GOT1L1: variants seen among roughly 807,000 people sequenced by gnomAD.
GOT1L1 encodes glutamic-oxaloacetic transaminase 1 like 1.
Under a neutral mutation model 43.6 loss-of-function variants are expected in GOT1L1, and 38 were observed. That is an observed-to-expected ratio of 0.87 (90% CI 0.67 to 1.14). GOT1L1 has a LOEUF of 1.14. GOT1L1 is among the 50% of genes most tolerant of loss of function. The pLI is 0.00. For missense variants in GOT1L1, 482 were observed against 504.0 expected, an observed-to-expected ratio of 0.96 and a Z score of 0.42; for synonymous variants, 183 against 187.2, an observed-to-expected ratio of 0.98 and a Z score of 0.18.
At position 37,937,109 on chromosome 8, in the gene GOT1L1, C is replaced by T. The variant is rs1025908308; in HGVS notation, c.520-52G>A. 7.7e-6 allele frequency: 12 copies of T among 1,549,948 alleles called. No homozygotes were observed. The African/African-American group carries it at 1.1e-4, about 14-fold the overall frequency. ...CTTCACCCCCACCCAGGAGTGGCGG[C>T]CCCAGGGCATTTGGGGGTGAAGTGC... On this transcript the variant is annotated intron_variant, in intron 4 of 8. Transcript: ENST00000307599.
chr8:37,935,901 GC>G, intron 6 of GOT1L1, 32 bp from the exon 7 acceptor site: 2 of 1,598,804 alleles, frequency 1.3e-6, no homozygotes, highest in South Asian at 2.3e-5. Context: ...CTCAGCCTCA[GC>G]CCCTTCCTCC....
In GOT1L1 at chr8:37,938,490, A is replaced by C. The variant is rs186661901; in HGVS notation, c.297+210T>G. Among the ~76,000 whole-genome samples the C allele has an allele frequency of 8.0e-4, 122 of 152,348 alleles. 1 individual carries two copies. Among genetic ancestry groups the C allele is most frequent in the Non-Finnish European group, 1.3e-3 (88 of 68,024 alleles). ...TCATTCCTGTCTTGAAAGAGCTTTCAAATCAGCAGTGTGAGCAGGTGGGAA... is the reference window on the plus strand; with the variant it reads ...TCATTCCTGTCTTGAAAGAGCTTTCCAATCAGCAGTGTGAGCAGGTGGGAA... On this transcript the variant is annotated intron_variant, in intron 2 of 8. Transcript: ENST00000307599.
In GOT1L1 at chr8:37,939,992, G is replaced by A; in HGVS notation, c.38C>T (p.Ala13Val). 1 of 1,613,464 alleles carries A rather than the reference G, an allele frequency of 6.2e-7. No homozygotes were observed. Among genetic ancestry groups the A allele is most frequent in the Non-Finnish European group, 8.5e-7 (1 of 1,179,506 alleles). Residue 13 changes from alanine (A) to valine (V), a missense_variant, in exon 1 of 9, where the codon GCC (alanine) becomes GTC (valine). Coordinates refer to ENST00000307599, the MANE Select transcript of GOT1L1 (RefSeq NM_152413.3). ...TAACAAGCTGCCCTCTAGCTTGTGG[G>A]CGAGGGGCACATCCATGAACACTGA... ...TLSVFMDVPL[A>V]HKLEGSLLKT... is the part of the protein sequence containing the mutation.
At chr8:37,938,569 C>T in intron 2 of GOT1L1, 131 bp downstream of exon 2, 1 of 761,320 alleles carries the variant, frequency 1.3e-6, no homozygotes. Context: ...CTTGTGGACT[C>T]TCTGAGCCTC....
At position 37,934,313 on chromosome 8, in the gene GOT1L1, G is replaced by A. The variant is rs1304660280; in HGVS notation, c.1246C>T (p.Leu416=). The A allele has an allele frequency of 6.2e-7, 1 of 1,611,284 alleles. No individual in the cohort carries two copies. The highest frequency in any genetic ancestry group is 8.5e-7 in the Non-Finnish European group (1 of 1,178,482). ...EMCLPKEKKT[L]IGIKL is the part of the protein sequence containing the mutation. The stretch of plus-strand genomic sequence containing the variant: ...AAAGACTAAAGTTTTATTCCAATCA[G>A]TGTTTTTTTTTCCTTTGGAAGACAC... The change falls in exon 9 of 9, where the codon CTG becomes TTG. Residue 416 remains leucine, a synonymous_variant. Transcript: ENST00000307599.
In GOT1L1 at chr8:37,934,432, C is replaced by T. The variant is rs1280753002; in HGVS notation, c.1127G>A (p.Gly376Asp). The change falls in exon 9 of 9, where the codon GGT becomes GAT. Residue 376 changes from glycine to aspartate, a missense_variant. Physicochemically the swap from Gly to Asp is moderately conservative, Grantham distance 94. Coordinates refer to ENST00000307599, the MANE Select transcript of GOT1L1 (RefSeq NM_152413.3). ...RKKHIYIPKNGQINFSCINAN... is the reference protein window; with the variant it reads ...RKKHIYIPKNDQINFSCINAN... ...ATTGATACAGCTGAAGTTAATCTGA[C>T]CGTTCTTGGGGATATAGATGTGCTT... is the stretch of plus-strand genomic sequence containing the variant. 1.2e-6 allele frequency: 2 copies of T among 1,613,772 alleles called. No individual in the cohort carries two copies. The highest frequency in any genetic ancestry group is 8.5e-7 in the Non-Finnish European group (1 of 1,179,848).
chr8:37,939,429 AAAATAT>A (rs1408765435), intron 1 of GOT1L1, among the ~76,000 whole-genome samples: 6 of 52,756 alleles, frequency 1.1e-4, no homozygotes, highest in African/African-American at 2.2e-4. Flanking sequence ...AAAAAAAAAA[AAAATAT>A]ATATATATAT....
intron 2 of GOT1L1, 57 bp from the exon 3 acceptor site, chr8:37,937,806 C>T: frequency 8.0e-7 from 1 of 1,251,486 alleles, no homozygotes. Flanking sequence ...ACCTGTAATT[C>T]CAGCACTTTG....
rs201171155 is a variant in GOT1L1 at position 37,938,822 on chromosome 8, G to T, written c.175C>A (p.Gln59Lys). The T allele has an allele frequency of 6.2e-7, 1 of 1,613,862 alleles. No individual in the cohort carries two copies. The highest frequency in any genetic ancestry group is 8.5e-7 in the Non-Finnish European group (1 of 1,179,830). The part of the protein sequence containing the change: ...VSLVVQKTRL[Q>K]ISQDPSLNYE... Reference sequence around the variant, plus strand: ...TTCAGGGAGGGATCCTGTGAAATCTGTAGTCGAGTCTTCTGCACCACGAGA... The same window carrying T: ...TTCAGGGAGGGATCCTGTGAAATCTTTAGTCGAGTCTTCTGCACCACGAGA... Residue 59 changes from glutamine (Q) to lysine (K), a missense_variant, in exon 2 of 9, where the codon CAG becomes AAG. By Grantham distance (53) the Gln-to-Lys change is moderately conservative (BLOSUM62 1). Coordinates refer to ENST00000307599, the MANE Select transcript of GOT1L1 (RefSeq NM_152413.3).
rs1041908233 is a variant in GOT1L1, at chr8:37,938,621, C to G, written c.297+79G>C. On this transcript the variant is annotated intron_variant, in intron 2 of 8. Coordinates refer to ENST00000307599, the MANE Select transcript of GOT1L1 (RefSeq NM_152413.3). ...AATACCAGGGGGCCCTCCGAGGTCC[C>G]CTTCGGGTTTAAGGTTGTGCAGACC... 4.2e-5 allele frequency: 56 copies of G among 1,344,308 alleles called. No individual in the cohort carries two copies. The African/African-American group carries it at 7.1e-4, about 17-fold the overall frequency. The allele number at this position is 1,344,308 out of a possible 1,614,324, so 83.3% of individuals were successfully genotyped here. A position where few individuals can be genotyped will look rare whatever the true frequency, so the allele number is the denominator to read the frequency against.
chr8:37,937,926 C>G (rs780957987), intron 2 of GOT1L1, among the ~76,000 whole-genome samples, 177 bp from the exon 3 acceptor site: 1 of 151,930 alleles, frequency 6.6e-6, no homozygotes, highest in African/African-American at 2.4e-5. Flanking sequence ...GTGTAATCCC[C>G]GCTACTCAAG....
chr8:37,935,044 G>C (rs1410692081), intron 8 of GOT1L1, 29 bp downstream of exon 8: 7 of 1,612,006 alleles, frequency 4.3e-6, no homozygotes, highest in Non-Finnish European at 5.9e-6. Context: ...AGGTCAGAAA[G>C]GGGGGACACC....
rs142681725 is a variant in GOT1L1, at chr8:37,936,183, G to C, written c.764-314C>G. On this transcript the variant is annotated intron_variant, in intron 6 of 8. Coordinates refer to ENST00000307599, the MANE Select transcript of GOT1L1 (RefSeq NM_152413.3). ...TTGTTTAAAGTGACCATCTCTCTCT[G>C]TTGCCCAGGCTAGAGTGCAATGGTG... Among the ~76,000 whole-genome samples, 56 of 151,450 alleles carry C rather than the reference G, an allele frequency of 3.7e-4. No individual in the cohort carries two copies. The East Asian group carries it at 0.01, about 28-fold the overall frequency.
At chr8:37,939,424 AAAAAAAAATATAT>A (rs1807853489) in intron 1 of GOT1L1, among the ~76,000 whole-genome samples, 1 of 54,242 alleles carries the variant, frequency 1.8e-5, no homozygotes, top group African/African-American at 8.3e-5. Context: ...AAGAAAAAAA[AAAAAAAAATATAT>A]ATATATATAT....
chr8:37,937,868 C>G (rs1415582500), intron 2 of GOT1L1, 119 bp from the exon 3 acceptor site: 1 of 654,116 alleles, frequency 1.5e-6, no homozygotes, highest in Non-Finnish European at 2.7e-6. Context: ...TGTTGAAACC[C>G]CGTATCTACT....
At chr8:37,934,990 C>G (rs776205241) in intron 8 of GOT1L1, 83 bp downstream of exon 8, 1 of 1,458,266 alleles carries the variant, frequency 6.9e-7, no homozygotes, top group South Asian at 1.2e-5. Context: ...AAGCTAGGAA[C>G]TGGTCACCTA....
rs754571503 is a variant in GOT1L1, at chr8:37,939,994, G to A, written c.36C>T (p.Leu12=). The A allele has an allele frequency of 1.4e-5, 22 of 1,613,304 alleles. No homozygotes were observed. The East Asian group carries it at 3.1e-4, about 23-fold the overall frequency. The change falls in exon 1 of 9, where the codon CTC becomes CTT. Residue 12 remains leucine (L), a synonymous_variant. Transcript: ENST00000307599. ...ACAAGCTGCCCTCTAGCTTGTGGGCGAGGGGCACATCCATGAACACTGAAA... is the reference window on the plus strand; with the variant it reads ...ACAAGCTGCCCTCTAGCTTGTGGGCAAGGGGCACATCCATGAACACTGAAA... ...PTLSVFMDVP[L]AHKLEGSLLK... is the part of the protein sequence containing the mutation.
chr8:37,938,017 G>T (rs1367897684), intron 2 of GOT1L1, among the ~76,000 whole-genome samples: 2 of 152,108 alleles, frequency 1.3e-5, no homozygotes, highest in Non-Finnish European at 2.9e-5. Context: ...CTCCAGTCTG[G>T]GTGACAGAGT....
Sources: gnomAD v4.1 joint callset for allele counts (sites outside exome capture counted in the v4.1 genomes callset) on GRCh38, gnomAD v4.1.1 for gene constraint, MANE v1.5 for transcripts, NCBI Gene and HGNC (gene_info 2026-07-23, HGNC 2026-07-21) for gene names.